The following MYH14 variants were observed in gnomAD, a reference collection of about 807,000 sequenced individuals.
MYH14 encodes the protein myosin-14.
Under a neutral mutation model 255.5 loss-of-function variants are expected in MYH14, and 123 were observed. That is an observed-to-expected ratio of 0.48 (90% CI 0.42 to 0.56). MYH14 has a LOEUF of 0.56. MYH14 is among the 20% of genes least tolerant of loss of function. The pLI is 0.00. For missense variants in MYH14, 2,423 were observed against 2,802.3 expected (o/e 0.86, Z 3.06); for synonymous variants, 1,095 against 1,161.2 (o/e 0.94, Z 1.16).
intron 40 of MYH14, among the ~76,000 whole-genome samples, chr19:50,302,749 A>C (rs2036534253): frequency 6.6e-6 from 1 of 151,764 alleles, no homozygotes; most frequent in Non-Finnish European, 1.5e-5. Flanking sequence ...AAAAATACAA[A>C]AAATTAGCCG....
intron 10 of MYH14, among the ~76,000 whole-genome samples, chr19:50,234,288 G>A (rs143039840): frequency 2.1e-4 from 32 of 152,282 alleles, no homozygotes; most frequent in African/African-American, 5.3e-4. Context: ...GTGGACCTCC[G>A]CCTTTTCAGA....
rs761558118 is a variant in MYH14, at chr19:50,259,100, G to T, written c.2233-44G>T. ...CCAAGCTTGACCGTTTGGCGCCCCCGTGTGGCCGCCGCTGACCCCCGCGTG... is the reference window on the plus strand; with the variant it reads ...CCAAGCTTGACCGTTTGGCGCCCCCTTGTGGCCGCCGCTGACCCCCGCGTG... On this transcript the variant is annotated intron_variant, in intron 18 of 42. Transcript: ENST00000642316. 32 of 1,529,350 alleles carry T rather than the reference G, an allele frequency of 2.1e-5. No individual in the cohort carries two copies. In the African/African-American group the frequency reaches 4.0e-4, roughly 19 times the overall value. 94.7% of individuals were successfully genotyped at this position (1,529,350 alleles called of 1,614,324 possible). A position where few individuals can be genotyped will look rare whatever the true frequency, so the allele number is the denominator to read the frequency against.
At position 50,221,337 on chromosome 19, in the gene MYH14, G is replaced by C. The variant is rs980261601; in HGVS notation, c.563-1746G>C. Among the ~76,000 whole-genome samples the C allele has an allele frequency of 1.3e-5, 2 of 152,086 alleles. No individual in the cohort carries two copies. The highest frequency in any genetic ancestry group is 4.8e-5 in the African/African-American group (2 of 41,400). On this transcript the variant is annotated intron_variant, in intron 3 of 42. Transcript: ENST00000642316. The surrounding 1 kb of genome is among the most constrained non-coding windows in gnomAD (Gnocchi z 5.3). Reference sequence around the variant, plus strand: ...AGAGAGGCAGCCGGGCGGTGAACCTGTGTGCATATAGTCCCCCATACCAGG... The same window carrying C: ...AGAGAGGCAGCCGGGCGGTGAACCTCTGTGCATATAGTCCCCCATACCAGG...
At chr19:50,275,414 G>T (rs759451316) in intron 27 of MYH14, among the ~76,000 whole-genome samples, 8 of 152,194 alleles carry the variant, frequency 5.3e-5, no homozygotes, top group Admixed American at 1.3e-4. Context: ...TCCTCATTTG[G>T]CAGGAACATT....
chr19:50,243,340 G>A (rs1354567019), intron 10 of MYH14, among the ~76,000 whole-genome samples: 2 of 152,146 alleles, frequency 1.3e-5, no homozygotes, highest in Non-Finnish European at 2.9e-5. Context: ...GGAGGGTGAG[G>A]CAGGAGAATC....
chr19:50,283,020 T>G (rs774805572), intron 33 of MYH14, among the ~76,000 whole-genome samples: 8 of 152,184 alleles, frequency 5.3e-5, no homozygotes, highest in Non-Finnish European at 1.0e-4. Context: ...TGTAATACTC[T>G]TCCACAGGTC....
At chr19:50,242,113 C>T (rs1249536460) in intron 10 of MYH14, among the ~76,000 whole-genome samples, 2 of 152,182 alleles carry the variant, frequency 1.3e-5, no homozygotes, top group African/African-American at 2.4e-5. Context: ...AGAAACCGTC[C>T]GCATCCAAGT....
intron 7 of MYH14, 74 bp downstream of exon 7, chr19:50,225,751 G>A (rs377715893): frequency 2.6e-6 from 3 of 1,168,796 alleles, no homozygotes; most frequent in East Asian, 2.4e-5. Flanking sequence ...GGGCTTCAGG[G>A]GGAAAGACAC....
chr19:50,252,817 C>T lies in MYH14; in HGVS notation c.1945+64C>T, dbSNP rs529749912. 441 of 1,181,090 alleles carry T rather than the reference C, an allele frequency of 3.7e-4. No individual in the cohort carries two copies. The highest frequency in any genetic ancestry group is 5.9e-4 in the Middle Eastern group (3 of 5,068). 73.2% of individuals were successfully genotyped at this position (1,181,090 alleles called of 1,614,324 possible). ...GTGCGGCCATTCTCCAAATCCACAG[C>T]GTGAGCACCTTTGTTTCAGAGGCGG... On this transcript the variant is annotated intron_variant, in intron 16 of 42. Transcript: ENST00000642316. This position sits in a 1 kb window ranked among gnomAD's most constrained non-coding sequence, Gnocchi z 4.2.
At chr19:50,255,751 G>C (rs1419507853) in intron 17 of MYH14, among the ~76,000 whole-genome samples, 1 of 152,018 alleles carries the variant, frequency 6.6e-6, no homozygotes, top group Non-Finnish European at 1.5e-5. Flanking sequence ...TCTGTGCTAT[G>C]AGGACTTAAT....
intron 3 of MYH14, among the ~76,000 whole-genome samples, chr19:50,222,153 G>T (rs1446407720): frequency 6.6e-6 from 1 of 152,076 alleles, no homozygotes; most frequent in African/African-American, 2.4e-5. Flanking sequence ...GTGTCTCCTG[G>T]CGGGAATGGA....
chr19:50,286,882 C>T (rs150918941), intron 34 of MYH14, among the ~76,000 whole-genome samples, 188 bp downstream of exon 34: 1 of 152,262 alleles, frequency 6.6e-6, no homozygotes, highest in African/African-American at 2.4e-5. Flanking sequence ...CTTTGGGAGG[C>T]CAAGGTGGGC....
chr19:50,278,812 T>A (rs1280746677), intron 30 of MYH14, among the ~76,000 whole-genome samples: 1 of 131,988 alleles, frequency 7.6e-6, no homozygotes, highest in African/African-American at 2.8e-5. Flanking sequence ...CTGTCTCTAC[T>A]AAAAAAAAAA....
chr19:50,306,980 A>G (rs1230911808), intron 40 of MYH14, 69 bp from the exon 41 acceptor site: 2 of 1,131,508 alleles, frequency 1.8e-6, no homozygotes, highest in Non-Finnish European at 2.6e-6. Flanking sequence ...CAGCCACTGC[A>G]TGAGTCTATG....
At chr19:50,231,206 G>A (rs966070943) in intron 9 of MYH14, among the ~76,000 whole-genome samples, 1 of 152,202 alleles carries the variant, frequency 6.6e-6, no homozygotes, top group African/African-American at 2.4e-5. Context: ...GGCTCAGGCC[G>A]CTTCCTGGCT....
chr19:50,302,594 G>A lies in MYH14; in HGVS notation c.5678+725G>A, dbSNP rs560704492. On this transcript the variant is annotated intron_variant, in intron 40 of 42. Coordinates refer to ENST00000642316, the MANE Select transcript of MYH14 (RefSeq NM_001145809.2). ...CCAGACTCCATTTAAAAAAAAAAAA[G>A]AAAGAAAAAAAGAAAAGAAAAAGAT... is the stretch of plus-strand genomic sequence containing the variant. 6.3e-5 allele frequency among the ~76,000 whole-genome samples: 9 copies of A among 143,284 alleles called. No homozygotes were observed. The South Asian group carries it at 1.8e-3, about 29-fold the overall frequency. 94.0% of individuals were successfully genotyped at this position (143,284 alleles called of 152,430 possible). A position where few individuals can be genotyped will look rare whatever the true frequency, so the allele number is the denominator to read the frequency against.
chr19:50,266,810 A>AC lies in MYH14; in HGVS notation c.2695-63dup, dbSNP rs2035097115. On this transcript the variant is annotated intron_variant, in intron 22 of 42. Coordinates refer to ENST00000642316, the MANE Select transcript of MYH14 (RefSeq NM_001145809.2). This position sits in a 1 kb window ranked among gnomAD's most constrained non-coding sequence, Gnocchi z 4.1. ...AAGGGATTTGAACCCAGAAACTCAA[A>AC]CCCCACTAAGAGTGTGAGGTCTTGG... 6.5e-7 allele frequency: 1 copy of AC among 1,542,522 alleles called. No individual in the cohort carries two copies. Among genetic ancestry groups the AC allele is most frequent in the Admixed American group, 2.0e-5 (1 of 50,718 alleles).
At chr19:50,277,437 C>T (rs1439355902) in intron 29 of MYH14, among the ~76,000 whole-genome samples, 1 of 152,036 alleles carries the variant, frequency 6.6e-6, no homozygotes, top group African/African-American at 2.4e-5. Flanking sequence ...GAAACCCCAT[C>T]TCTACTAAAA....
chr19:50,293,441 G>A lies in MYH14; in HGVS notation c.5345+120G>A. 6.5e-7 allele frequency: 1 copy of A among 1,534,216 alleles called. No individual in the cohort carries two copies. Among genetic ancestry groups the A allele is most frequent in the Non-Finnish European group, 8.8e-7 (1 of 1,130,226 alleles). ...TGGGAGGTGGGCGGGGTTAACCTCG[G>A]GGCCCCTGGGGTGTGAGGCTGGGGA... On this transcript the variant is annotated intron_variant, in intron 38 of 42. Coordinates refer to ENST00000642316, the MANE Select transcript of MYH14 (RefSeq NM_001145809.2). The surrounding 1 kb of genome is among the most constrained non-coding windows in gnomAD (Gnocchi z 4.1).
Sources: gnomAD v4.1 joint callset for allele counts (sites outside exome capture counted in the v4.1 genomes callset) on GRCh38, gnomAD v4.1.1 for gene constraint, Gnocchi (gnomAD v3.1) non-coding constraint, MANE v1.5 for transcripts, NCBI Gene and HGNC (gene_info 2026-07-23, HGNC 2026-07-21) for gene names.